FBN1: variants seen among roughly 807,000 people sequenced by gnomAD.
The protein encoded by FBN1 is fibrillin-1.
Under a neutral mutation model 365.1 loss-of-function variants are expected in FBN1, and 29 were observed. The ratio of observed to expected loss-of-function variants is 0.08; its 90% CI spans 0.06 to 0.11. The LOEUF is 0.11. FBN1 is among the 10% of genes least tolerant of loss of function. The pLI is 1.00. For missense variants in FBN1, 2,476 were observed against 3,703.2 expected, an observed-to-expected ratio of 0.67 and a Z score of 8.60; for synonymous variants, 1,210 against 1,270.5, an observed-to-expected ratio of 0.95 and a Z score of 1.01.
intron 2 of FBN1, among the ~76,000 whole-genome samples, chr15:48,626,705 TAA>T (rs994254994): frequency 3.3e-5 from 5 of 152,162 alleles, no homozygotes; most frequent in African/African-American, 9.7e-5. Flanking sequence ...GTCAAAAACT[TAA>T]GTTTTTTTTT....
At chr15:48,623,246 C>A (rs1274555055) in intron 2 of FBN1, among the ~76,000 whole-genome samples, 1 of 152,152 alleles carries the variant, frequency 6.6e-6, no homozygotes, top group Non-Finnish European at 1.5e-5. Flanking sequence ...GAATATGCCA[C>A]CGACATTAAA....
intron 15 of FBN1, among the ~76,000 whole-genome samples, chr15:48,506,741 T>A (rs898607454): frequency 3.9e-5 from 6 of 152,148 alleles, no homozygotes; most frequent in African/African-American, 9.7e-5. Flanking sequence ...AACTAAGTGC[T>A]CAGGGCTAGG....
rs1423956707 is a variant in FBN1, at chr15:48,465,559, A to G, written c.4942+9T>C. On this transcript the variant is annotated intron_variant, in intron 40 of 65. Coordinates refer to ENST00000316623, the MANE Select transcript of FBN1 (RefSeq NM_000138.5). ...TGCAAGACCTTATCATCCTACCAGG[A>G]CCATTTACCATCACACACTCGTGTA... The G allele has an allele frequency of 1.9e-6, 3 of 1,613,762 alleles. No individual in the cohort carries two copies. Among genetic ancestry groups the G allele is most frequent in the Non-Finnish European group, 2.5e-6 (3 of 1,179,948 alleles).
intron 8 of FBN1, among the ~76,000 whole-genome samples, chr15:48,526,678 A>G (rs1187636915): frequency 2.0e-5 from 3 of 152,128 alleles, no homozygotes; most frequent in African/African-American, 4.8e-5. Flanking sequence ...TATTTTCCAC[A>G]ACGCGGATAC....
rs114292666 is a variant in FBN1, at chr15:48,584,396, T to C, written c.538+11887A>G. 6.7e-3 allele frequency among the ~76,000 whole-genome samples: 1,022 copies of C among 152,344 alleles called. 14 individuals carry two copies. The highest frequency in any genetic ancestry group is 0.024 in the African/African-American group (992 of 41,580). ...AAACACAACTCCTCCTAATTAGATA[T>C]TTTAAATGAAAACATTAAAATGATT... On this transcript the variant is annotated intron_variant, in intron 6 of 65. Coordinates refer to ENST00000316623, the MANE Select transcript of FBN1 (RefSeq NM_000138.5).
chr15:48,536,117 AAAC>A (rs143695848), intron 7 of FBN1, among the ~76,000 whole-genome samples: 3,570 of 148,454 alleles, frequency 0.024, 220 homozygotes, highest in East Asian at 0.24. Flanking sequence ...CTCTTAGAAA[AAAC>A]AACAACAACA....
chr15:48,535,199 C>A (rs2044004237), intron 7 of FBN1, among the ~76,000 whole-genome samples: 2 of 152,208 alleles, frequency 1.3e-5, no homozygotes, highest in African/African-American at 2.4e-5. Context: ...CAACACCTGG[C>A]TGCTGGCTCT....
At chr15:48,604,639 G>A (rs1039740137) in intron 4 of FBN1, among the ~76,000 whole-genome samples, 2 of 152,194 alleles carry the variant, frequency 1.3e-5, no homozygotes, top group African/African-American at 4.8e-5. Context: ...TCCATAAAGG[G>A]TGGAGTAGAA....
At chr15:48,628,385 G>C (rs1392931753) in intron 2 of FBN1, among the ~76,000 whole-genome samples, 1 of 151,660 alleles carries the variant, frequency 6.6e-6, no homozygotes, top group African/African-American at 2.4e-5. Flanking sequence ...AATCTCTGCA[G>C]ATATCTTCTT....
chr15:48,610,230 G>T (rs2044646289), intron 4 of FBN1, among the ~76,000 whole-genome samples: 1 of 152,108 alleles, frequency 6.6e-6, no homozygotes, highest in African/African-American at 2.4e-5. Flanking sequence ...ATTCTGAAAG[G>T]AAAAATATGT....
chr15:48,445,484 C>T lies in FBN1; in HGVS notation c.5809G>A (p.Gly1937Arg). The T allele has an allele frequency of 6.2e-7, 1 of 1,612,676 alleles. No individual in the cohort carries two copies. The highest frequency in any genetic ancestry group is 1.1e-5 in the South Asian group (1 of 91,054). The change falls in exon 48 of 66, where the codon GGA (glycine) becomes AGA (arginine). Residue 1937 changes from glycine (G) to arginine (R), a missense_variant. Gly to Arg is a moderately radical substitution (Grantham distance 125). This residue lies in a region of FBN1 where 1,780 missense variants were observed against 2,840.8 expected (regional missense o/e 0.63). Transcript: ENST00000316623. ...DCIDVDECAS[G>R]NGNLCRNGQC... is the part of the protein sequence containing the mutation. ...CCATTTCTGCAAAGATTCCCATTTC[C>T]ACTTGCACATTCATCAACATCTGCA...
chr15:48,583,094 T>C (rs933851995), intron 6 of FBN1, among the ~76,000 whole-genome samples: 1 of 152,218 alleles, frequency 6.6e-6, no homozygotes, highest in Admixed American at 6.5e-5. Flanking sequence ...TAAGCACTGC[T>C]TCCATCTCTC....
chr15:48,440,276 A>G (rs1171854272), intron 50 of FBN1, among the ~76,000 whole-genome samples: 1 of 152,150 alleles, frequency 6.6e-6, no homozygotes, highest in Non-Finnish European at 1.5e-5. Flanking sequence ...TGCCTCCTGG[A>G]GCTGAGCATG....
At chr15:48,430,177 G>C (rs2043013426) in intron 56 of FBN1, among the ~76,000 whole-genome samples, 1 of 152,184 alleles carries the variant, frequency 6.6e-6, no homozygotes, top group Admixed American at 6.5e-5. Flanking sequence ...CCTCAATGTT[G>C]GATCCCTATT....
intron 2 of FBN1, among the ~76,000 whole-genome samples, chr15:48,623,604 G>C (rs1360388008): frequency 6.6e-6 from 1 of 152,196 alleles, no homozygotes; most frequent in African/African-American, 2.4e-5. Flanking sequence ...ATTTTATTAT[G>C]GCAGATTGCT....
intron 5 of FBN1, among the ~76,000 whole-genome samples, chr15:48,596,894 C>A (rs548526744): frequency 6.6e-6 from 1 of 152,184 alleles, no homozygotes; most frequent in Non-Finnish European, 1.5e-5. Flanking sequence ...ACAGAACTTA[C>A]GGAAACTATT....
intron 42 of FBN1, among the ~76,000 whole-genome samples, chr15:48,462,646 GC>G (rs1338187600): frequency 6.6e-6 from 1 of 152,054 alleles, no homozygotes; most frequent in Non-Finnish European, 1.5e-5. Context: ...TTTGCCTTAT[GC>G]TTATTTCTTG....
chr15:48,612,649 A>G (rs1311705915), intron 3 of FBN1, among the ~76,000 whole-genome samples: 1 of 152,150 alleles, frequency 6.6e-6, no homozygotes, highest in Non-Finnish European at 1.5e-5. Context: ...CCCAAATTCA[A>G]TGTACAGGGT....
intron 6 of FBN1, among the ~76,000 whole-genome samples, chr15:48,581,015 G>A (rs914527508): frequency 1.3e-5 from 2 of 152,162 alleles, no homozygotes; most frequent in Non-Finnish European, 2.9e-5. Context: ...GAGGCTGGGT[G>A]AGCTCAGAAC....
Sources: gnomAD v4.1 joint callset for allele counts (sites outside exome capture counted in the v4.1 genomes callset) on GRCh38, gnomAD v4.1.1 for gene constraint, gnomAD v4.1.1 regional missense constraint, MANE v1.5 for transcripts, NCBI Gene and HGNC (gene_info 2026-07-23, HGNC 2026-07-21) for gene names.